DDX60: variants seen among roughly 807,000 people sequenced by gnomAD.
DDX60 encodes probable ATP-dependent RNA helicase DDX60.
In DDX60, 165 loss-of-function variants were observed where a neutral mutation model predicts 212.8. That is an observed-to-expected ratio of 0.78 (90% CI 0.68 to 0.88). The LOEUF is 0.88. DDX60 is among the 40% of genes least tolerant of loss of function. The pLI, the probability that DDX60 is intolerant of heterozygous loss-of-function variation, is 0.00. For synonymous variants in DDX60, 703 were observed against 685.3 expected (o/e 1.03, Z -0.40); for missense variants, 1,905 against 2,003.9 (o/e 0.95, Z 0.94).
At position 168,291,801 on chromosome 4, in the gene DDX60, C is replaced by A; in HGVS notation, c.988G>T (p.Ala330Ser). ...GCCCAATGGGAAGTGATGACTCTAG[C>A]ACAAGCTCTTTGAGAAAGAGGCAGA... ...LHLPLSQRAC[A>S]RVITSHWAED... Residue 330 changes from alanine to serine, a missense_variant, in exon 8 of 38, where the codon GCT becomes TCT. Physicochemically the swap from Ala to Ser is moderately conservative, Grantham distance 99. Transcript: ENST00000393743. The A allele has an allele frequency of 1.9e-6, 3 of 1,613,654 alleles. No homozygotes were observed. The highest frequency in any genetic ancestry group is 1.7e-6 in the Non-Finnish European group (2 of 1,179,802).
chr4:168,230,415 T>A (rs1001082021), intron 33 of DDX60, among the ~76,000 whole-genome samples: 2 of 152,092 alleles, frequency 1.3e-5, no homozygotes, highest in Admixed American at 6.6e-5. Context: ...GAATATACAT[T>A]CTATTCATCA....
intron 25 of DDX60, among the ~76,000 whole-genome samples, chr4:168,257,323 A>T (rs1214529066): frequency 6.6e-6 from 1 of 152,222 alleles, no homozygotes; most frequent in East Asian, 1.9e-4. Context: ...CAAAAAAAAA[A>T]AATTATACAC....
At chr4:168,269,356 TG>T (rs999419717) in intron 19 of DDX60, among the ~76,000 whole-genome samples, 31 of 152,224 alleles carry the variant, frequency 2.0e-4, no homozygotes, top group African/African-American at 7.5e-4. Context: ...CCCAGCACTT[TG>T]GGAGGCCGAG....
chr4:168,312,727 C>CAGATAGATAGATAGATAGAGAGATAGAT (rs1553975474), intron 1 of DDX60, among the ~76,000 whole-genome samples: 1 of 149,952 alleles, frequency 6.7e-6, no homozygotes, highest in Non-Finnish European at 1.5e-5. Context: ...GATGGATACA[C>CAGATAGATAGATAGATAGAGAGATAGAT]AGATAGATAG....
At chr4:168,300,098 C>T (rs374368442) in intron 6 of DDX60, among the ~76,000 whole-genome samples, 1 of 151,982 alleles carries the variant, frequency 6.6e-6, no homozygotes, top group Non-Finnish European at 1.5e-5. Context: ...TAAACTATGA[C>T]TAAGTTGGAT....
At position 168,221,723 on chromosome 4, in the gene DDX60, G is replaced by A. The variant is rs1268173726; in HGVS notation, c.4976+7C>T. The A allele has an allele frequency of 6.2e-7, 1 of 1,602,468 alleles. No individual in the cohort carries two copies. Among genetic ancestry groups the A allele is most frequent in the Non-Finnish European group, 8.5e-7 (1 of 1,171,366 alleles). On this transcript the variant is annotated splice_region_variant and intron_variant, in intron 36 of 37. Transcript: ENST00000393743. ...CAGAGAAACAGAGACAGACAGAGAG[G>A]ACATACCTGTTATCCTGGACTAATC...
At chr4:168,271,970 G>A in intron 19 of DDX60, 73 bp downstream of exon 19, 1 of 1,243,686 alleles carries the variant, frequency 8.0e-7, no homozygotes, top group Non-Finnish European at 1.1e-6. Flanking sequence ...TAGATGTCCT[G>A]AAACACCAAA....
intron 30 of DDX60, among the ~76,000 whole-genome samples, chr4:168,240,097 T>C (rs955904180): frequency 6.6e-6 from 1 of 151,902 alleles, no homozygotes; most frequent in Non-Finnish European, 1.5e-5. Context: ...ACCCAAAAGC[T>C]TCTGAGAAGC....
chr4:168,314,728 C>T (rs1446544055), intron 1 of DDX60, among the ~76,000 whole-genome samples: 1 of 152,134 alleles, frequency 6.6e-6, no homozygotes, highest in Non-Finnish European at 1.5e-5. Flanking sequence ...TCAATAAGCT[C>T]TTTCTCCCCC....
chr4:168,218,479 G>T (rs17053801), intron 37 of DDX60, among the ~76,000 whole-genome samples: 2,381 of 151,942 alleles, frequency 0.016, 60 homozygotes, highest in African/African-American at 0.053. Context: ...CCTTAATTCA[G>T]ACCTTCACTC....
At chr4:168,287,287 T>C in intron 9 of DDX60, 84 bp from the exon 10 acceptor site, 1 of 1,285,318 alleles carries the variant, frequency 7.8e-7, no homozygotes, top group Non-Finnish European at 1.1e-6. Context: ...AGTAAATTCA[T>C]GGAATTCTGA....
At chr4:168,318,130 C>A (rs1047169771) in intron 1 of DDX60, among the ~76,000 whole-genome samples, 2 of 152,166 alleles carry the variant, frequency 1.3e-5, no homozygotes, top group Admixed American at 6.5e-5. Context: ...AAATAAATTT[C>A]TATTGTCTTA....
chr4:168,298,119 G>A (rs986314086), intron 6 of DDX60, among the ~76,000 whole-genome samples: 9 of 151,584 alleles, frequency 5.9e-5, no homozygotes, highest in East Asian at 5.8e-4. Context: ...AATTACAAAC[G>A]TAATTACCAT....
chr4:168,254,699 T>A (rs1366218186), intron 26 of DDX60, among the ~76,000 whole-genome samples: 1 of 151,876 alleles, frequency 6.6e-6, no homozygotes, highest in Non-Finnish European at 1.5e-5. Flanking sequence ...TAGAAGAACA[T>A]AGGAGAGAGG....
At chr4:168,288,432 G>T (rs9995999) in intron 8 of DDX60, 117 bp from the exon 9 acceptor site, 233,809 of 653,446 alleles carry the variant, frequency 0.36, 42,696 homozygotes, top group African/African-American at 0.47. Flanking sequence ...TCCTTGTTTA[G>T]GCAAGCCCAT....
At chr4:168,306,754 A>C in intron 4 of DDX60, 34 bp from the exon 5 acceptor site, 1 of 1,474,774 alleles carries the variant, frequency 6.8e-7, no homozygotes, top group South Asian at 1.2e-5. Context: ...ATTTTATTTC[A>C]AAATTATCAT....
At chr4:168,303,190 T>C (rs1032937321) in intron 5 of DDX60, among the ~76,000 whole-genome samples, 1 of 151,496 alleles carries the variant, frequency 6.6e-6, no homozygotes, top group Non-Finnish European at 1.5e-5. Context: ...TAGTCCCAGC[T>C]GCTCAGGAGG....
At chr4:168,325,486 CAT>C in the DDX60 span, among the ~76,000 whole-genome samples, 7 of 152,126 alleles carry the variant, frequency 4.6e-5, no homozygotes, top group African/African-American at 1.7e-4. Flanking sequence ...TTAATAAATT[CAT>C]ATGTGTATCT....
At chr4:168,273,654 A>G (rs1735198312) in intron 17 of DDX60, among the ~76,000 whole-genome samples, 1 of 152,086 alleles carries the variant, frequency 6.6e-6, no homozygotes, top group Non-Finnish European at 1.5e-5. Flanking sequence ...AAAACAGAAA[A>G]TGTTGCCTAT....
Sources: gnomAD v4.1 joint callset for allele counts (sites outside exome capture counted in the v4.1 genomes callset) on GRCh38, gnomAD v4.1.1 for gene constraint, MANE v1.5 for transcripts, NCBI Gene and HGNC (gene_info 2026-07-23, HGNC 2026-07-21) for gene names.